Variants in SSUH2 observed in about 807,000 individuals in gnomAD.
SSUH2 encodes ssu-2 homolog, also known as protein SSUH2 homolog.
Under a neutral mutation model 55.3 loss-of-function variants are expected in SSUH2, and 47 were observed. That is an observed-to-expected ratio of 0.85 (90% CI 0.67 to 1.08). The LOEUF is 1.08. Ranked by LOEUF, SSUH2 falls within the 50% of genes least tolerant of loss-of-function variation. The pLI is 0.00. For synonymous variants in SSUH2, 212 were observed against 191.5 expected (o/e 1.11, Z -0.89); for missense variants, 535 against 490.7 (o/e 1.09, Z -0.85).
chr3:8,674,872 G>A (rs569293011), intron 3 of SSUH2, among the ~76,000 whole-genome samples: 2 of 152,052 alleles, frequency 1.3e-5, no homozygotes, highest in African/African-American at 2.4e-5. Context: ...CCAAGGGTCC[G>A]GGCGGAAGAC....
At chr3:8,635,498 G>A (rs923664281) in intron 2 of SSUH2, 117 bp from the exon 3 acceptor site, 6 of 808,476 alleles carry the variant, frequency 7.4e-6, no homozygotes, top group African/African-American at 1.7e-5. Context: ...AAACAGTGAT[G>A]CATTTAATGC....
chr3:8,650,530 C>T (rs1437306563), intron 7 of SSUH2, among the ~76,000 whole-genome samples: 2 of 152,184 alleles, frequency 1.3e-5, no homozygotes, highest in African/African-American at 4.8e-5. Context: ...TTTGTTCCAA[C>T]TGTGGGGAAA....
chr3:8,642,345 G>A (rs775819863), intron 1 of SSUH2, among the ~76,000 whole-genome samples: 25 of 152,196 alleles, frequency 1.6e-4, no homozygotes, highest in Non-Finnish European at 2.6e-4. Context: ...AAGACTTACA[G>A]GGCTCTTATC....
At chr3:8,679,416 C>CTT (rs1352056301) in intron 2 of SSUH2, among the ~76,000 whole-genome samples, 10 of 139,902 alleles carry the variant, frequency 7.1e-5, no homozygotes, top group African/African-American at 2.3e-4. Flanking sequence ...CCCCTCTTCC[C>CTT]CCCCTGGCTC....
chr3:8,627,719 C>T lies in SSUH2; in HGVS notation c.653G>A (p.Cys218Tyr). 6.2e-7 allele frequency: 1 copy of T among 1,606,756 alleles called. No individual in the cohort carries two copies. Among genetic ancestry groups the T allele is most frequent in the Non-Finnish European group, 8.5e-7 (1 of 1,176,536 alleles). The change falls in exon 8 of 12, where the codon TGC (cysteine) becomes TAC (tyrosine). Residue 218 changes from cysteine to tyrosine, a missense_variant. Coordinates refer to ENST00000544814, the MANE Select transcript of SSUH2 (RefSeq NM_001256748.3). ...CTACCTTCGCCTGCCGGACCCCGCG[C>T]ACAGCTGACATCTCCGGGACTGCTT... Reference protein sequence around the residue: ...KAKQSRRCQLCAGSGRRRCST... With the variant: ...KAKQSRRCQLYAGSGRRRCST...
intron 7 of SSUH2, among the ~76,000 whole-genome samples, chr3:8,652,462 G>A (rs575560188): frequency 1.3e-5 from 2 of 152,332 alleles, no homozygotes; most frequent in African/African-American, 4.8e-5. Context: ...TACCCAGACT[G>A]TCTTCTATTC....
intron 2 of SSUH2, 68 bp downstream of exon 2, chr3:8,635,691 G>C: frequency 7.2e-7 from 1 of 1,391,136 alleles, no homozygotes; most frequent in East Asian, 2.5e-5. Flanking sequence ...CCTTTTTCCC[G>C]AGACATCCCA....
upstream of SSUH2, among the ~76,000 whole-genome samples, chr3:8,647,616 G>A (rs539964288): frequency 2.2e-4 from 34 of 152,284 alleles, no homozygotes; most frequent in African/African-American, 6.3e-4. Context: ...CAGAGAAGCC[G>A]GCTATTGCTC....
chr3:8,641,699 G>A (rs1369681611), intron 1 of SSUH2, among the ~76,000 whole-genome samples: 3 of 152,230 alleles, frequency 2.0e-5, no homozygotes, highest in Admixed American at 2.0e-4. Context: ...TCCGGTGGCT[G>A]TGCCTCCATC....
chr3:8,671,002 A>C (rs1282581237), exon 5 of SSUH2: 1 of 425,318 alleles, frequency 2.4e-6, no homozygotes, highest in Non-Finnish European at 4.9e-6. Context: ...ATGTACCTGC[A>C]TTGGGACATC....
At chr3:8,626,125 A>T in intron 9 of SSUH2, 104 bp downstream of exon 9, 2 of 881,106 alleles carry the variant, frequency 2.3e-6, no homozygotes, top group Non-Finnish European at 3.8e-6. Context: ...AGGTTCTTGC[A>T]CTGTGAAAGC....
At chr3:8,648,378 T>C (rs985308426), upstream of SSUH2, among the ~76,000 whole-genome samples, 13 of 152,294 alleles carry the variant, frequency 8.5e-5, no homozygotes, top group African/African-American at 2.9e-4. Flanking sequence ...CCTGGCTACT[T>C]AGTGGCTTGG....
In SSUH2 at chr3:8,676,160, A is replaced by G. The variant is rs552182960; in HGVS notation, c.-753+1046T>C. Among the ~76,000 whole-genome samples the G allele has an allele frequency of 3.3e-5, 5 of 152,160 alleles. No homozygotes were observed. The East Asian group carries it at 9.7e-4, about 30-fold the overall frequency. ...CAGCCTGTTTACCATATTGTGAGTA[A>G]TATCATCTCCCCCTCTGGAGATTAT... On this transcript the variant is annotated intron_variant, in intron 3 of 18. Transcript: ENST00000317371.
chr3:8,621,750 A>G (rs1696489894), intron 11 of SSUH2, among the ~76,000 whole-genome samples: 1 of 152,328 alleles, frequency 6.6e-6, no homozygotes, highest in Admixed American at 6.5e-5. Context: ...CGGAAATAAA[A>G]GTTGGAAGAT....
rs1432732223 is a variant in SSUH2 at position 8,674,502 on chromosome 3, G to A, written c.-752-2467C>T. Among the ~76,000 whole-genome samples the A allele has an allele frequency of 3.3e-5, 5 of 152,322 alleles. No individual in the cohort carries two copies. In the East Asian group the frequency reaches 9.7e-4, roughly 29 times the overall value. ...CATTGATTTTCTTGTAGACAGCGGT[G>A]CTGAACATTCGCTAGTAACCGCCCC... On this transcript the variant is annotated intron_variant, in intron 3 of 18. Coordinates refer to the SSUH2 transcript ENST00000317371.
Position 8,635,739 on chromosome 3 carries a change from CA to C in SSUH2, c.127+19del. 6 of 1,531,134 alleles carry C rather than the reference CA, an allele frequency of 3.9e-6. No homozygotes were observed. The highest frequency in any genetic ancestry group is 5.2e-6 in the Non-Finnish European group (6 of 1,144,032). The allele number at this position is 1,531,134 out of a possible 1,614,324, so 94.8% of individuals were successfully genotyped here. A position where few individuals can be genotyped will look rare whatever the true frequency, so the allele number is the denominator to read the frequency against. ...AGCCCTAGGTAGAAGCCCAAAGAAC[CA>C]AGCCCTCTTGGAACTTACTGCCCCC... On this transcript the variant is annotated intron_variant, in intron 2 of 11. Coordinates refer to ENST00000544814, the MANE Select transcript of SSUH2 (RefSeq NM_001256748.3).
Position 8,632,011 on chromosome 3 carries a change from T to A in SSUH2, c.400+38A>T, listed in dbSNP as rs767762356. On this transcript the variant is annotated intron_variant, in intron 5 of 11. Transcript: ENST00000544814. ...ATTTTCCACCAGCACCCTGACTTAT[T>A]TGCCCCCAGTTAAACTAATTTCAGA... 3.9e-6 allele frequency: 6 copies of A among 1,551,246 alleles called. No individual in the cohort carries two copies. In the East Asian group the frequency reaches 1.3e-4, roughly 35 times the overall value.
intron 1 of SSUH2, among the ~76,000 whole-genome samples, chr3:8,642,064 T>G (rs1700944587): frequency 6.6e-6 from 1 of 152,172 alleles, no homozygotes; most frequent in Admixed American, 6.5e-5. Context: ...AACCCATGTC[T>G]TATAGTCCTA....
At chr3:8,672,716 G>A (rs186882985) in intron 3 of SSUH2, among the ~76,000 whole-genome samples, 12 of 147,380 alleles carry the variant, frequency 8.1e-5, no homozygotes, top group East Asian at 1.9e-4. Context: ...CTCCCCCTCC[G>A]GATATTAGGA....
Sources: allele counts gnomAD v4.1 joint callset (sites outside exome capture counted in the v4.1 genomes callset), GRCh38; gene constraint gnomAD v4.1.1; transcripts MANE v1.5; gene names NCBI Gene and HGNC (gene_info 2026-07-23, HGNC 2026-07-21).